SRGAP3: variants seen among roughly 807,000 people sequenced by gnomAD.
SRGAP3 encodes SLIT-ROBO Rho GTPase-activating protein 3.
A neutral mutation model predicts 121.1 loss-of-function variants in SRGAP3; 39 were observed. The observed-to-expected ratio is 0.32, with a 90% CI of 0.25 to 0.42. The LOEUF (loss-of-function observed/expected upper bound fraction) is 0.42, where lower values mean the gene tolerates loss of function less well. Ranked by LOEUF, SRGAP3 falls within the 10% of genes least tolerant of loss-of-function variation. The probability of loss-of-function intolerance (pLI) is 1.00; values close to 1 mark genes in which losing one functional copy is unlikely to be tolerated. For synonymous variants in SRGAP3, 601 were observed against 570.0 expected, an observed-to-expected ratio of 1.05 and a Z score of -0.77; for missense variants, 1,213 against 1,470.6, an observed-to-expected ratio of 0.82 and a Z score of 2.86.
intron 2 of SRGAP3, among the ~76,000 whole-genome samples, chr3:9,108,313 C>T (rs774056263): frequency 6.6e-4 from 101 of 152,190 alleles, no homozygotes; most frequent in African/African-American, 2.4e-3. Context: ...TAATGTGCAG[C>T]CAGGGTTAAG....
intron 1 of SRGAP3, among the ~76,000 whole-genome samples, chr3:9,129,321 T>C (rs948786743): frequency 3.3e-5 from 5 of 151,904 alleles, no homozygotes; most frequent in African/African-American, 9.7e-5. Flanking sequence ...GCCAAAATTA[T>C]ATCCTTTGTA....
At chr3:9,292,574 T>C (rs1954887783) in intron 3 of SRGAP3, 1 of 152,194 alleles carries the variant, frequency 6.6e-6, no homozygotes, top group African/African-American at 2.4e-5. Context: ...ATAAAAGACA[T>C]TTATCAAGTA....
intron 1 of SRGAP3, among the ~76,000 whole-genome samples, chr3:9,158,343 G>A (rs1321869489): frequency 6.6e-6 from 1 of 152,176 alleles, no homozygotes; most frequent in Admixed American, 6.5e-5. Context: ...CCAGAGAAGG[G>A]CAGTTGCTCA....
chr3:9,305,869 T>C (rs1436884328), intron 3 of SRGAP3, among the ~76,000 whole-genome samples: 1 of 152,220 alleles, frequency 6.6e-6, no homozygotes, highest in African/African-American at 2.4e-5. Context: ...GCAATAAACA[T>C]ACGTGTGCAT....
intron 4 of SRGAP3, among the ~76,000 whole-genome samples, chr3:9,067,985 A>G (rs1946508626): frequency 6.6e-6 from 1 of 152,174 alleles, no homozygotes; most frequent in East Asian, 1.9e-4. Context: ...AAGTGTGAGA[A>G]CGCCTGCTGC....
At chr3:9,343,360 T>A (rs1008075706) in intron 1 of SRGAP3, among the ~76,000 whole-genome samples, 1 of 152,220 alleles carries the variant, frequency 6.6e-6, no homozygotes, top group African/African-American at 2.4e-5. Flanking sequence ...TCCTTCTCCA[T>A]CCACACCATG....
intron 1 of SRGAP3, among the ~76,000 whole-genome samples, chr3:9,335,152 T>C (rs1391602618): frequency 4.6e-5 from 7 of 152,236 alleles, no homozygotes; most frequent in Non-Finnish European, 1.0e-4. Flanking sequence ...CTGCTGGTTT[T>C]GCCTGGGCTC....
chr3:9,149,822 T>C (rs1024219238), intron 1 of SRGAP3, among the ~76,000 whole-genome samples: 1 of 152,208 alleles, frequency 6.6e-6, no homozygotes, highest in Non-Finnish European at 1.5e-5. Context: ...GATATGGTTG[T>C]CACGCACAAT....
intron 1 of SRGAP3, among the ~76,000 whole-genome samples, chr3:9,223,738 T>C (rs1560451290): frequency 6.6e-6 from 1 of 152,138 alleles, no homozygotes; most frequent in Non-Finnish European, 1.5e-5. Flanking sequence ...CACCAGCCAT[T>C]ATGAGGACAG....
At chr3:9,130,577 T>A (rs1949408309) in intron 1 of SRGAP3, among the ~76,000 whole-genome samples, 1 of 152,118 alleles carries the variant, frequency 6.6e-6, no homozygotes, top group Non-Finnish European at 1.5e-5. Context: ...CAAACCCAGG[T>A]CCCTCAGAAG....
chr3:9,358,549 G>A (rs1026986945), intron 1 of SRGAP3, among the ~76,000 whole-genome samples: 8 of 152,224 alleles, frequency 5.3e-5, no homozygotes, highest in Non-Finnish European at 8.8e-5. Context: ...GTTCTGCAGC[G>A]GACACCAGCT....
chr3:9,108,706 A>C (rs558485650), intron 2 of SRGAP3, among the ~76,000 whole-genome samples: 1 of 152,190 alleles, frequency 6.6e-6, no homozygotes, highest in Admixed American at 6.5e-5. Flanking sequence ...GTGTTTTGGC[A>C]TGATCATGGA....
chr3:9,328,662 G>A (rs1955556351), intron 2 of SRGAP3, among the ~76,000 whole-genome samples: 2 of 152,164 alleles, frequency 1.3e-5, no homozygotes, highest in African/African-American at 2.4e-5. Flanking sequence ...AATAGTCTGT[G>A]GAAGAGAAGA....
At chr3:9,291,343 T>C (rs1197551958) in intron 3 of SRGAP3, among the ~76,000 whole-genome samples, 3 of 152,262 alleles carry the variant, frequency 2.0e-5, no homozygotes, top group African/African-American at 7.2e-5. Context: ...GCCCTGTATT[T>C]AAGGAGATAA....
chr3:9,198,954 C>T (rs1951990521), intron 1 of SRGAP3, among the ~76,000 whole-genome samples: 1 of 152,194 alleles, frequency 6.6e-6, no homozygotes, highest in South Asian at 2.1e-4. Context: ...CCTCTCTCTC[C>T]AGATAATGGG....
chr3:9,279,257 T>C (rs1240244221), intron 3 of SRGAP3, among the ~76,000 whole-genome samples: 1 of 152,136 alleles, frequency 6.6e-6, no homozygotes, highest in African/African-American at 2.4e-5. Context: ...AGGGGTGGGA[T>C]AAGCCCCTCT....
chr3:9,151,307 A>G (rs570898449), intron 1 of SRGAP3, among the ~76,000 whole-genome samples: 1 of 152,300 alleles, frequency 6.6e-6, no homozygotes, highest in Non-Finnish European at 1.5e-5. Context: ...GGGAGCCCAG[A>G]ACTTACTGGA....
At chr3:9,329,243 C>T (rs570918309) in intron 2 of SRGAP3, among the ~76,000 whole-genome samples, 1 of 152,296 alleles carries the variant, frequency 6.6e-6, no homozygotes, top group African/African-American at 2.4e-5. Context: ...TTCAACCATT[C>T]GCACAGAAAG....
chr3:9,127,904 T>TGAAAAGAAAA (rs1050469633), intron 1 of SRGAP3, among the ~76,000 whole-genome samples: 1 of 134,932 alleles, frequency 7.4e-6, no homozygotes, highest in East Asian at 2.1e-4. Context: ...ACTCCTGTAA[T>TGAAAAGAAAA]GAAAAGAAAA....
Sources: allele counts gnomAD v4.1 joint callset (sites outside exome capture counted in the v4.1 genomes callset), GRCh38; gene constraint gnomAD v4.1.1; transcripts MANE v1.5; gene names NCBI Gene and HGNC (gene_info 2026-07-23, HGNC 2026-07-21).